Variants in CNTN4 observed in about 807,000 individuals in gnomAD.
The protein encoded by CNTN4 is contactin 4, also known as contactin-4.
CNTN4 carries 77 observed loss-of-function variants against 122.5 expected under a neutral mutation model. That is an observed-to-expected ratio of 0.63 (90% CI 0.52 to 0.76). CNTN4 has a LOEUF of 0.76. Among genes scored for constraint, CNTN4 ranks in the 30% least tolerant of loss-of-function variants. CNTN4 has a pLI of 0.00. For missense variants in CNTN4, 1,256 were observed against 1,259.1 expected, an observed-to-expected ratio of 1.00 and a Z score of 0.04; for synonymous variants, 512 against 447.0, an observed-to-expected ratio of 1.15 and a Z score of -1.83.
At chr3:2,107,104 A>G (rs2032509310) in intron 2 of CNTN4, among the ~76,000 whole-genome samples, 1 of 152,176 alleles carries the variant, frequency 6.6e-6, no homozygotes. Flanking sequence ...TGAGTCCTCC[A>G]AGTCTCTAGT....
intron 13 of CNTN4, among the ~76,000 whole-genome samples, chr3:2,939,447 T>G (rs952494891): frequency 7.2e-5 from 11 of 152,140 alleles, no homozygotes; most frequent in Non-Finnish European, 1.3e-4. Context: ...AGTAATATTT[T>G]GTAATTCAGC....
intron 2 of CNTN4, among the ~76,000 whole-genome samples, chr3:2,169,582 A>G (rs1307308778): frequency 6.6e-6 from 1 of 151,328 alleles, no homozygotes; most frequent in Non-Finnish European, 1.5e-5. Flanking sequence ...ATTTTTTTGT[A>G]GAGACGGGGT....
At chr3:2,248,077 G>A (rs896365399) in intron 2 of CNTN4, among the ~76,000 whole-genome samples, 7 of 152,070 alleles carry the variant, frequency 4.6e-5, no homozygotes, top group Non-Finnish European at 7.4e-5. Context: ...GTTGTAAGCC[G>A]TGTGAATGCT....
intron 6 of CNTN4, among the ~76,000 whole-genome samples, chr3:2,747,284 C>G (rs2089829711): frequency 6.6e-6 from 1 of 150,596 alleles, no homozygotes; most frequent in Non-Finnish European, 1.5e-5. Context: ...TGGCAGGTGC[C>G]TGTAGTCCCA....
At chr3:3,039,952 A>C in intron 19 of CNTN4, 85 bp from the exon 20 acceptor site, 1 of 909,306 alleles carries the variant, frequency 1.1e-6, no homozygotes, top group Non-Finnish European at 1.8e-6. Flanking sequence ...GATGTAGACA[A>C]GAATGTTACA....
chr3:2,798,277 T>TTGTG (rs905569644), intron 6 of CNTN4, among the ~76,000 whole-genome samples: 40 of 103,786 alleles, frequency 3.9e-4, no homozygotes, highest in African/African-American at 1.3e-3. Context: ...TAGTATTCCA[T>TTGTG]TGTGTGTGTG....
chr3:2,958,812 T>C (rs2094825609), intron 13 of CNTN4, among the ~76,000 whole-genome samples: 1 of 152,172 alleles, frequency 6.6e-6, no homozygotes, highest in South Asian at 2.1e-4. Context: ...CTGGGTATGC[T>C]ATGAGTAATC....
At chr3:2,552,402 T>A (rs948023949) in intron 3 of CNTN4, among the ~76,000 whole-genome samples, 2 of 152,166 alleles carry the variant, frequency 1.3e-5, no homozygotes, top group Non-Finnish European at 2.9e-5. Flanking sequence ...CAGAAACATT[T>A]GTCTGCCCTT....
At chr3:2,977,399 A>G (rs991794908) in intron 13 of CNTN4, among the ~76,000 whole-genome samples, 2 of 152,242 alleles carry the variant, frequency 1.3e-5, no homozygotes, top group South Asian at 4.1e-4. Context: ...TACAGAAGAA[A>G]TTAAAATTGC....
intron 3 of CNTN4, among the ~76,000 whole-genome samples, chr3:2,361,503 C>T (rs868826211): frequency 6.6e-6 from 1 of 152,100 alleles, no homozygotes; most frequent in Admixed American, 6.5e-5. Context: ...GTTGAGAAAC[C>T]CTGCTCTGTA....
At chr3:2,168,926 T>C (rs1402654747) in intron 2 of CNTN4, among the ~76,000 whole-genome samples, 1 of 152,152 alleles carries the variant, frequency 6.6e-6, no homozygotes, top group Non-Finnish European at 1.5e-5. Flanking sequence ...TTGTCTTAGA[T>C]TTACCCTCAG....
At chr3:2,435,823 A>G (rs993405132) in intron 3 of CNTN4, among the ~76,000 whole-genome samples, 1 of 152,182 alleles carries the variant, frequency 6.6e-6, no homozygotes, top group African/African-American at 2.4e-5. Context: ...TACAGAAATC[A>G]TTTTATATCT....
rs1269448274 is a variant in CNTN4 at position 2,925,618 on chromosome 3, C to G, written c.1208-11C>G. On this transcript the variant is annotated splice_polypyrimidine_tract_variant and intron_variant, in intron 12 of 24. Coordinates refer to ENST00000418658, the MANE Select transcript of CNTN4 (RefSeq NM_175607.3). ...TCTTGCATAATAATTATTTTTTGTA[C>G]TGTCTTTCAGCTGTAGGTCCAGATT... is the stretch of plus-strand genomic sequence containing the variant. 6.2e-7 allele frequency: 1 copy of G among 1,611,910 alleles called. No individual in the cohort carries two copies. The highest frequency in any genetic ancestry group is 8.5e-7 in the Non-Finnish European group (1 of 1,178,432).
At chr3:2,747,540 A>G (rs951834997) in intron 6 of CNTN4, among the ~76,000 whole-genome samples, 4 of 152,164 alleles carry the variant, frequency 2.6e-5, no homozygotes, top group South Asian at 2.1e-4. Flanking sequence ...GCATTTTACT[A>G]CCAAAACATC....
chr3:2,922,765 C>G (rs1384328582), intron 12 of CNTN4, among the ~76,000 whole-genome samples: 2 of 151,964 alleles, frequency 1.3e-5, no homozygotes, highest in Non-Finnish European at 2.9e-5. Flanking sequence ...AGGTGCAACA[C>G]CACGCCCAGC....
intron 3 of CNTN4, among the ~76,000 whole-genome samples, chr3:2,401,680 AACAGTGCAC>A (rs2046865444): frequency 6.6e-6 from 1 of 152,130 alleles, no homozygotes; most frequent in South Asian, 2.1e-4. Context: ...ATTAGGAGTG[AACAGTGCAC>A]ATGGTTTGAA....
At chr3:3,002,919 T>C (rs921594940) in intron 14 of CNTN4, among the ~76,000 whole-genome samples, 4 of 152,178 alleles carry the variant, frequency 2.6e-5, no homozygotes, top group Non-Finnish European at 5.9e-5. Flanking sequence ...ATTTAAATCG[T>C]GTGGGCAGTT....
At chr3:2,112,856 A>G (rs1014548044) in intron 2 of CNTN4, among the ~76,000 whole-genome samples, 1 of 152,070 alleles carries the variant, frequency 6.6e-6, no homozygotes, top group African/African-American at 2.4e-5. Context: ...TGTATATCCT[A>G]TAGATCTGAT....
chr3:2,437,436 T>C (rs1190664517), intron 3 of CNTN4, among the ~76,000 whole-genome samples: 2 of 152,206 alleles, frequency 1.3e-5, no homozygotes, highest in Admixed American at 1.3e-4. Context: ...GTGCATTTTA[T>C]GTAAAGCCCT....
Sources: gnomAD v4.1 joint callset for allele counts (sites outside exome capture counted in the v4.1 genomes callset) on GRCh38, gnomAD v4.1.1 for gene constraint, MANE v1.5 for transcripts, NCBI Gene and HGNC (gene_info 2026-07-23, HGNC 2026-07-21) for gene names.